The following BIRC6 variants were observed in gnomAD, a reference collection of about 807,000 sequenced individuals.
The protein encoded by BIRC6 is baculoviral IAP repeat containing 6.
BIRC6 carries 98 observed loss-of-function variants against 503.3 expected under a neutral mutation model. The observed-to-expected ratio is 0.19, with a 90% confidence interval of 0.17 to 0.23. The LOEUF (loss-of-function observed/expected upper bound fraction) is 0.23, where lower values mean the gene tolerates loss of function less well. BIRC6 is among the 10% of genes least tolerant of loss of function. The pLI is 1.00. For missense variants in BIRC6, 5,360 were observed against 5,806.0 expected (o/e 0.92, Z 2.50); for synonymous variants, 2,240 against 2,078.7 (o/e 1.08, Z -2.11).
At position 32,416,194 on chromosome 2, in the gene BIRC6, T is replaced by C. The variant is rs748908295; in HGVS notation, c.2872+31T>C. ...TTGTCTGATTATGCTATAAATCTTA[T>C]AAAATCCATGTATATATGGCATTTG... On this transcript the variant is annotated intron_variant, in intron 10 of 73. Coordinates refer to ENST00000421745, the MANE Select transcript of BIRC6 (RefSeq NM_016252.4). 3.9e-6 allele frequency: 6 copies of C among 1,531,232 alleles called. No individual in the cohort carries two copies. The Admixed American group carries it at 6.3e-5, about 16-fold the overall frequency. 94.9% of individuals were successfully genotyped at this position (1,531,232 alleles called of 1,614,324 possible).
At chr2:32,555,904 G>T (rs2058739164) in intron 65 of BIRC6, among the ~76,000 whole-genome samples, 1 of 124,682 alleles carries the variant, frequency 8.0e-6, no homozygotes, top group Non-Finnish European at 1.6e-5. Context: ...TGTCAGAGTA[G>T]ACCCTATCTC....
intron 71 of BIRC6, among the ~76,000 whole-genome samples, chr2:32,607,075 T>C (rs2062515535): frequency 6.6e-6 from 1 of 151,656 alleles, no homozygotes. Flanking sequence ...GAGCAGAATG[T>C]TGCTATGAGT....
intron 10 of BIRC6, among the ~76,000 whole-genome samples, chr2:32,419,370 A>G (rs1272410647): frequency 1.3e-5 from 2 of 152,298 alleles, no homozygotes; most frequent in South Asian, 2.1e-4. Flanking sequence ...GATTAATAAT[A>G]TACTAAATGT....
At chr2:32,427,063 G>C (rs2043586801) in intron 10 of BIRC6, among the ~76,000 whole-genome samples, 2 of 151,890 alleles carry the variant, frequency 1.3e-5, no homozygotes. Flanking sequence ...CTTTGCCTTT[G>C]ACTCTCAAGA....
chr2:32,472,289 G>A (rs2049192090), intron 32 of BIRC6, among the ~76,000 whole-genome samples: 1 of 152,104 alleles, frequency 6.6e-6, no homozygotes, highest in South Asian at 2.1e-4. Context: ...GGCTGGTCTT[G>A]AACTCCTGAC....
chr2:32,439,794 G>T (rs879805931), intron 16 of BIRC6, 108 bp downstream of exon 16: 2 of 966,360 alleles, frequency 2.1e-6, no homozygotes. Flanking sequence ...TTTACTATAC[G>T]CTTGGTTTGT....
chr2:32,551,517 T>G (rs2058424333), intron 65 of BIRC6, among the ~76,000 whole-genome samples: 1 of 152,102 alleles, frequency 6.6e-6, no homozygotes, highest in Non-Finnish European at 1.5e-5. Context: ...CCTGGCCCCA[T>G]GTGATCTGCC....
chr2:32,525,152 G>A (rs569334015), intron 58 of BIRC6, 133 bp downstream of exon 58: 2 of 830,600 alleles, frequency 2.4e-6, no homozygotes, highest in South Asian at 2.8e-5. Context: ...TTTAATACTA[G>A]ATTTTTATCT....
intron 43 of BIRC6, 80 bp downstream of exon 43, chr2:32,490,231 C>T: frequency 8.1e-7 from 1 of 1,241,732 alleles, no homozygotes. Flanking sequence ...ACAGAGTTTT[C>T]CAAGGAGTGG....
intron 65 of BIRC6, among the ~76,000 whole-genome samples, chr2:32,568,328 G>C (rs1476853955): frequency 1.3e-5 from 2 of 149,148 alleles, no homozygotes; most frequent in Admixed American, 1.3e-4. Flanking sequence ...CCAACTCTAC[G>C]AAAAAATAGA....
In BIRC6 at chr2:32,479,758, C is replaced by T. The variant is rs1394015418; in HGVS notation, c.7408+141C>T. ...CTTATAAACTAGATCCATTATTTTC[C>T]TGGTAAATACATTTTATCTTGGTTC... On this transcript the variant is annotated intron_variant, in intron 37 of 73. Transcript: ENST00000421745. The T allele has an allele frequency of 5.8e-6, 4 of 689,058 alleles. No individual in the cohort carries two copies. The Admixed American group carries it at 1.2e-4, about 21-fold the overall frequency. 42.7% of individuals were successfully genotyped at this position (689,058 alleles called of 1,614,324 possible).
intron 3 of BIRC6, among the ~76,000 whole-genome samples, chr2:32,384,737 G>C (rs530039585): frequency 2.0e-5 from 3 of 152,158 alleles, no homozygotes; most frequent in South Asian, 2.1e-4. Context: ...TTTTGGGCCT[G>C]TGCATAGCCT....
Position 32,575,223 on chromosome 2 carries a change from T to C in BIRC6, c.13212T>C (p.Ser4404=). The C allele has an allele frequency of 6.2e-7, 1 of 1,614,058 alleles. No individual in the cohort carries two copies. The highest frequency in any genetic ancestry group is 8.5e-7 in the Non-Finnish European group (1 of 1,179,900). Residue 4404 remains serine (S), a synonymous_variant, in exon 66 of 74, where the codon TCT becomes TCC. Transcript: ENST00000421745. ...ALLELLRAIA[S]CAAMVPLLLP... is the part of the protein sequence containing the mutation. ...TGGAATTGCTTCGGGCCATTGCTTC[T>C]TGTGCTGCCATGGTGCCCCTATTGT...
At chr2:32,476,691 A>T (rs768998049) in intron 34 of BIRC6, among the ~76,000 whole-genome samples, 1 of 152,178 alleles carries the variant, frequency 6.6e-6, no homozygotes, top group Non-Finnish European at 1.5e-5. Flanking sequence ...TATCAGCCTC[A>T]CAAATAAAAT....
chr2:32,366,458 A>G (rs2034945249), intron 1 of BIRC6, among the ~76,000 whole-genome samples: 1 of 152,086 alleles, frequency 6.6e-6, no homozygotes, highest in Non-Finnish European at 1.5e-5. Context: ...TGGATGTATG[A>G]TATTATTTTT....
chr2:32,542,692 A>C (rs760279958), intron 61 of BIRC6, among the ~76,000 whole-genome samples: 2 of 152,256 alleles, frequency 1.3e-5, no homozygotes, highest in African/African-American at 2.4e-5. Flanking sequence ...AAGAATCTGC[A>C]TATAGATACT....
At chr2:32,427,017 T>A (rs1261512064) in intron 10 of BIRC6, among the ~76,000 whole-genome samples, 1 of 152,222 alleles carries the variant, frequency 6.6e-6, no homozygotes, top group Non-Finnish European at 1.5e-5. Flanking sequence ...TCATGTCTGA[T>A]GAATAATTTT....
rs373113978 is a variant in BIRC6, at chr2:32,603,000, C to G, written c.13993-6C>G. The G allele has an allele frequency of 5.0e-6, 8 of 1,599,342 alleles. No homozygotes were observed. In the African/African-American group the frequency reaches 8.1e-5, roughly 16 times the overall value. ...CAATTCTGTTTATGCTTTTTTCGTT[C>G]GTCAGGTTTGTTTAAGCATCTTAAA... On this transcript the variant is annotated splice_region_variant and splice_polypyrimidine_tract_variant and intron_variant, in intron 70 of 73. Transcript: ENST00000421745.
At chr2:32,611,336 TA>T in intron 72 of BIRC6, 111 bp from the exon 73 acceptor site, 2 of 582,962 alleles carry the variant, frequency 3.4e-6, no homozygotes, top group Non-Finnish European at 5.0e-6. Context: ...ATTTATAGAA[TA>T]AATTATTTAA....
Sources: allele counts gnomAD v4.1 joint callset (sites outside exome capture counted in the v4.1 genomes callset), GRCh38; gene constraint gnomAD v4.1.1; transcripts MANE v1.5; gene names NCBI Gene and HGNC (gene_info 2026-07-23, HGNC 2026-07-21).